Variants in ADRA1A observed in about 807,000 individuals in gnomAD.
ADRA1A encodes the protein alpha-1A adrenergic receptor.
In ADRA1A, 31 loss-of-function variants were observed where a neutral mutation model predicts 29.6. That is an observed-to-expected ratio of 1.05 (90% CI 0.79 to 1.41). The LOEUF is 1.41. ADRA1A is among the 40% of genes most tolerant of loss of function. The pLI, the probability that ADRA1A is intolerant of heterozygous loss-of-function variation, is 0.00. For synonymous variants in ADRA1A, 311 were observed against 254.3 expected (o/e 1.22, Z -2.12); for missense variants, 619 against 601.1 (o/e 1.03, Z -0.31).
chr8:26,864,434 T>C lies in ADRA1A; in HGVS notation c.536A>G (p.Asn179Ser), dbSNP rs376531409. 19 of 1,613,420 alleles carry C rather than the reference T, an allele frequency of 1.2e-5. No individual in the cohort carries two copies. The highest frequency in any genetic ancestry group is 6.7e-5 in the African/African-American group (5 of 74,928). The change falls in exon 2 of 3, where the codon AAC becomes AGC. Residue 179 changes from asparagine to serine, a missense_variant. Asn to Ser is a conservative substitution (Grantham distance 46). Transcript: ENST00000380573. The surrounding 1 kb of genome is among the most constrained non-coding windows in gnomAD (Gnocchi z 8.1). ...GAAGAGCACGTAGCCCGGCTCCTCGTTGATCTGGCAGATGGTCTCGTCCTC... is the reference window on the plus strand; with the variant it reads ...GAAGAGCACGTAGCCCGGCTCCTCGCTGATCTGGCAGATGGTCTCGTCCTC... ...APEDETICQI[N>S]EEPGYVLFSA...
In ADRA1A at chr8:26,796,394, G is replaced by C. The variant is rs774020512; in HGVS notation, c.884-25728C>G. Among the ~76,000 whole-genome samples, 49 of 152,140 alleles carry C rather than the reference G, an allele frequency of 3.2e-4. No individual in the cohort carries two copies. Among genetic ancestry groups the C allele is most frequent in the South Asian group, 1.0e-3 (5 of 4,814 alleles). On this transcript the variant is annotated intron_variant, in intron 2 of 2. Coordinates refer to ENST00000380573, the MANE Select transcript of ADRA1A (RefSeq NM_000680.4). The surrounding 1 kb of genome is among the most constrained non-coding windows in gnomAD (Gnocchi z 5.0). ...CTGCATTTCCAAGTTTTTTTAAATA[G>C]CTTTCATAAATAAGTTTGCTTTTTA...
At chr8:26,761,968 G>T (rs1014051515), downstream of ADRA1A, among the ~76,000 whole-genome samples, 1 of 152,128 alleles carries the variant, frequency 6.6e-6, no homozygotes, top group Non-Finnish European at 1.5e-5. Flanking sequence ...TATACATTCC[G>T]ATGGGTTAAG....
In ADRA1A at chr8:26,770,508, T is replaced by G. The variant is rs1267087364; in HGVS notation, c.1042A>C (p.Arg348=). 6.2e-7 allele frequency: 1 copy of G among 1,614,214 alleles called. No homozygotes were observed. Among genetic ancestry groups the G allele is most frequent in the Non-Finnish European group, 8.5e-7 (1 of 1,180,038 alleles). The change falls in exon 3 of 3, where the codon AGA becomes CGA. Residue 348 remains arginine, a synonymous_variant. Transcript: ENST00000380573. The part of the protein sequence containing the change: ...QNVLRIQCLC[R]KQSSKHALGY... Reference sequence around the variant, plus strand: ...AGGGCATGTTTGGAAGACTGCTTTCTGCAGAGACACTGGATTCTCAAGACA... The same window carrying G: ...AGGGCATGTTTGGAAGACTGCTTTCGGCAGAGACACTGGATTCTCAAGACA...
chr8:26,804,175 C>T (rs887599856), intron 2 of ADRA1A, among the ~76,000 whole-genome samples: 6 of 151,914 alleles, frequency 3.9e-5, no homozygotes, highest in African/African-American at 7.3e-5. Context: ...CCTGCCTTGG[C>T]CCCCCAAAGT....
At chr8:26,846,094 C>G (rs1417795564) in intron 2 of ADRA1A, among the ~76,000 whole-genome samples, 1 of 152,124 alleles carries the variant, frequency 6.6e-6, no homozygotes, top group African/African-American at 2.4e-5. Flanking sequence ...AATTTAATTA[C>G]AATTAAAACA....
Position 26,769,936 on chromosome 8 carries a change from C to T in ADRA1A, c.*213G>A. 7.6e-7 allele frequency: 1 copy of T among 1,310,322 alleles called. No individual in the cohort carries two copies. Among genetic ancestry groups the T allele is most frequent in the African/African-American group, 1.5e-5 (1 of 67,814 alleles). 81.2% of individuals were successfully genotyped at this position (1,310,322 alleles called of 1,614,324 possible). On this transcript the variant is annotated 3_prime_UTR_variant, in exon 3 of 3. Transcript: ENST00000380573. ...GCATTAGCTGCAGGGAAATGCTGTT[C>T]CGTATCATTCTGAACTGGTTGGTTG...
chr8:26,769,519 C>T lies in ADRA1A; in HGVS notation c.*630G>A, dbSNP rs1365027439. On this transcript the variant is annotated 3_prime_UTR_variant, in exon 3 of 3. Coordinates refer to ENST00000380573, the MANE Select transcript of ADRA1A (RefSeq NM_000680.4). The stretch of plus-strand genomic sequence containing the variant: ...AGACATCATGAGTGCCCCTCACTCT[C>T]ATCTTTGGGAAATGAGGAGCAGCAT... 1.0e-6 allele frequency: 1 copy of T among 985,288 alleles called. No individual in the cohort carries two copies. The highest frequency in any genetic ancestry group is 1.2e-6 in the Non-Finnish European group (1 of 829,936). 61.0% of individuals were successfully genotyped at this position (985,288 alleles called of 1,614,324 possible). A position where few individuals can be genotyped will look rare whatever the true frequency, so the allele number is the denominator to read the frequency against.
At chr8:26,753,947 CAAATA>C (rs1453973463), downstream of ADRA1A, among the ~76,000 whole-genome samples, 8 of 152,154 alleles carry the variant, frequency 5.3e-5, no homozygotes, top group African/African-American at 1.2e-4. Context: ...GTTTGTTCAA[CAAATA>C]AAATAAATTC....
chr8:26,801,601 G>A (rs1418120705), intron 2 of ADRA1A, among the ~76,000 whole-genome samples: 2 of 152,052 alleles, frequency 1.3e-5, no homozygotes, highest in African/African-American at 4.8e-5. Flanking sequence ...GAATACTGAC[G>A]AAAGAAATTG....
chr8:26,839,592 G>C (rs1811668530), intron 2 of ADRA1A, among the ~76,000 whole-genome samples: 1 of 152,188 alleles, frequency 6.6e-6, no homozygotes, highest in African/African-American at 2.4e-5. Context: ...GTCTGTTCCT[G>C]TCTGGCGCCT....
chr8:26,803,919 CTTTTT>C (rs34314160), intron 2 of ADRA1A, among the ~76,000 whole-genome samples: 23 of 95,226 alleles, frequency 2.4e-4, no homozygotes, highest in African/African-American at 9.3e-4. Flanking sequence ...TGGAAGTTTC[CTTTTT>C]TTTTTTTTTT....
In ADRA1A at chr8:26,866,091, C is replaced by A. The variant is rs540966921; in HGVS notation, c.-686-436G>T. Reference sequence around the variant, plus strand: ...CCGTTAGAACAGGTTGCCTCGCAGTCACCTGGAGGGGGCGGCCTGGGAGAG... The same window carrying A: ...CCGTTAGAACAGGTTGCCTCGCAGTAACCTGGAGGGGGCGGCCTGGGAGAG... On this transcript the variant is annotated intron_variant, in intron 1 of 2. Coordinates refer to ENST00000380573, the MANE Select transcript of ADRA1A (RefSeq NM_000680.4). This position sits in a 1 kb window ranked among gnomAD's most constrained non-coding sequence, Gnocchi z 5.7. Among the ~76,000 whole-genome samples, 11 of 152,254 alleles carry A rather than the reference C, an allele frequency of 7.2e-5. No individual in the cohort carries two copies. Among genetic ancestry groups the A allele is most frequent in the Admixed American group, 4.6e-4 (7 of 15,308 alleles).
chr8:26,762,577 G>A (rs1331629313), downstream of ADRA1A, among the ~76,000 whole-genome samples: 3 of 152,186 alleles, frequency 2.0e-5, no homozygotes, highest in African/African-American at 7.2e-5. The surrounding 1 kb of genome is among the most constrained non-coding windows in gnomAD (Gnocchi z 4.0). Context: ...AAGAAGGGGA[G>A]AGTGGAATAA....
At chr8:26,766,347 C>A (rs1252781530), downstream of ADRA1A, among the ~76,000 whole-genome samples, 3 of 152,200 alleles carry the variant, frequency 2.0e-5, no homozygotes, top group Non-Finnish European at 4.4e-5. Flanking sequence ...CAATGTGGCC[C>A]CTTCTGCATA....
rs556559230 is a variant in ADRA1A at position 26,821,170 on chromosome 8, A to G, written c.883+42917T>C. Among the ~76,000 whole-genome samples the G allele has an allele frequency of 7.2e-5, 11 of 152,280 alleles. No homozygotes were observed. In the East Asian group the frequency reaches 2.1e-3, roughly 29 times the overall value. ...CTCGCAAAGTGCTGGGATTACAGGC[A>G]TGAGCCACCACGCCTGGCCACATTA... is the stretch of plus-strand genomic sequence containing the variant. On this transcript the variant is annotated intron_variant, in intron 2 of 2. Coordinates refer to ENST00000380573, the MANE Select transcript of ADRA1A (RefSeq NM_000680.4). The surrounding 1 kb of genome is among the most constrained non-coding windows in gnomAD (Gnocchi z 5.6).
downstream of ADRA1A, among the ~76,000 whole-genome samples, chr8:26,751,584 C>T (rs1313810727): frequency 1.3e-5 from 2 of 152,130 alleles, no homozygotes; most frequent in South Asian, 2.1e-4. Flanking sequence ...GGAGTAAGTG[C>T]TATGTAATGA....
chr8:26,834,102 T>C (rs1234416125), intron 2 of ADRA1A, among the ~76,000 whole-genome samples: 1 of 152,242 alleles, frequency 6.6e-6, no homozygotes, highest in Non-Finnish European at 1.5e-5. Context: ...CTTTCTTATA[T>C]GCCAGCATTA....
intron 2 of ADRA1A, among the ~76,000 whole-genome samples, chr8:26,818,949 T>C (rs1809962282): frequency 6.6e-6 from 1 of 152,142 alleles, no homozygotes; most frequent in Admixed American, 6.5e-5. Context: ...TTGAAAACTT[T>C]CCAAAACTTA....
intron 2 of ADRA1A, among the ~76,000 whole-genome samples, chr8:26,850,633 T>C (rs1416602043): frequency 6.6e-6 from 1 of 152,154 alleles, no homozygotes; most frequent in Non-Finnish European, 1.5e-5. Context: ...ATAGCTAGAA[T>C]TACAGGTGTG....
Sources: allele counts gnomAD v4.1 joint callset (sites outside exome capture counted in the v4.1 genomes callset), GRCh38; gene constraint gnomAD v4.1.1; non-coding constraint Gnocchi (gnomAD v3.1); transcripts MANE v1.5; gene names NCBI Gene and HGNC (gene_info 2026-07-23, HGNC 2026-07-21).